The following TLE2 variants were observed in gnomAD, a reference collection of about 807,000 sequenced individuals.
The protein encoded by TLE2 is transducin-like enhancer protein 2.
A neutral mutation model predicts 97.2 loss-of-function variants in TLE2; 74 were observed. The observed-to-expected ratio is 0.76, with a 90% confidence interval of 0.63 to 0.92. The LOEUF (loss-of-function observed/expected upper bound fraction) is 0.92, where lower values mean the gene tolerates loss of function less well. TLE2 is among the 40% of genes least tolerant of loss of function. TLE2 has a pLI of 0.00. For missense variants in TLE2, 1,038 were observed against 1,008.7 expected, an observed-to-expected ratio of 1.03 and a Z score of -0.39; for synonymous variants, 499 against 432.1, an observed-to-expected ratio of 1.15 and a Z score of -1.92.
chr19:3,006,798 T>C, intron 14 of TLE2, 129 bp from the exon 15 acceptor site: 2 of 1,359,730 alleles, frequency 1.5e-6, no homozygotes, highest in Non-Finnish European at 2.0e-6. Context: ...TGTTTTGTTT[T>C]TTGAGAGGGA....
In TLE2 at chr19:3,006,484, C is replaced by CAGCCCA; in HGVS notation, c.1435_1436insTGGGCT (p.Gly478_Cys479insLeuGly). Reference sequence around the variant, plus strand: ...CTGGCCCACGTCCCACACCTTCACACAGCCCTTGCCGCCCGTGTACACATG... The same window carrying CAGCCCA: ...CTGGCCCACGTCCCACACCTTCACACAGCCCAAGCCCTTGCCGCCCGTGTACACATG... On this transcript the variant is annotated inframe_insertion, in exon 15 of 20. Coordinates refer to ENST00000262953, the MANE Select transcript of TLE2 (RefSeq NM_003260.5). The CAGCCCA allele has an allele frequency of 6.2e-7, 1 of 1,610,798 alleles. No individual in the cohort carries two copies. Among genetic ancestry groups the CAGCCCA allele is most frequent in the Non-Finnish European group, 8.5e-7 (1 of 1,179,394 alleles).
intron 5 of TLE2, among the ~76,000 whole-genome samples, chr19:3,022,713 G>A (rs1335433163): frequency 6.6e-6 from 1 of 152,108 alleles, no homozygotes; most frequent in Non-Finnish European, 1.5e-5. Context: ...AGACATCTGG[G>A]CTGTCTCCAC....
intron 1 of TLE2, among the ~76,000 whole-genome samples, chr19:3,037,195 G>T (rs112345934): frequency 3.3e-5 from 5 of 152,212 alleles, no homozygotes; most frequent in African/African-American, 9.6e-5. Flanking sequence ...TGAGGCAGGA[G>T]AATTGCTTGA....
upstream of TLE2, among the ~76,000 whole-genome samples, chr19:3,033,961 C>T (rs2090044954): frequency 6.6e-6 from 1 of 152,088 alleles, no homozygotes; most frequent in South Asian, 2.1e-4. Flanking sequence ...CACCGCCTCT[C>T]CCTCCAGGCT....
chr19:3,024,737 T>G (rs2089910357), intron 5 of TLE2, among the ~76,000 whole-genome samples: 1 of 152,178 alleles, frequency 6.6e-6, no homozygotes, highest in East Asian at 1.9e-4. Context: ...GGCAGCCAAC[T>G]TGCAGGGCTT....
At chr19:3,003,444 C>T (rs372076664) in intron 17 of TLE2, among the ~76,000 whole-genome samples, 2 of 152,094 alleles carry the variant, frequency 1.3e-5, no homozygotes, top group Non-Finnish European at 2.9e-5. Context: ...TCATGACCAG[C>T]CTGGCCAACA....
Position 3,006,604 on chromosome 19 carries a change from A to T in TLE2, c.1316T>A (p.Leu439Gln). Residue 439 changes from leucine to glutamine, a missense_variant, in exon 15 of 20, where the codon CTG becomes CAG. Leu to Gln is a moderately radical substitution (Grantham distance 113, BLOSUM62 -2). Coordinates refer to ENST00000262953, the MANE Select transcript of TLE2 (RefSeq NM_003260.5). ...MQPVPFPSDA[L>Q]VGAGIPRHAR... ...GTGCCGCGGGATGCCCGCGCCTACC[A>T]GTGCATCCGAGGGGAAGGGAACCGG... 10 of 1,610,210 alleles carry T rather than the reference A, an allele frequency of 6.2e-6. No individual in the cohort carries two copies. The highest frequency in any genetic ancestry group is 8.5e-6 in the Non-Finnish European group (10 of 1,178,520).
At chr19:3,036,156 G>T (rs749545576) in intron 1 of TLE2, among the ~76,000 whole-genome samples, 1 of 152,220 alleles carries the variant, frequency 6.6e-6, no homozygotes, top group East Asian at 1.9e-4. Flanking sequence ...AGGTGGGGGG[G>T]ATGGGCCTAT....
At chr19:3,043,352 C>A (rs1439287259) in intron 1 of TLE2, among the ~76,000 whole-genome samples, 2 of 150,820 alleles carry the variant, frequency 1.3e-5, no homozygotes, top group African/African-American at 4.9e-5. Flanking sequence ...TGGCACCCGG[C>A]CCCTTCTGCA....
intron 19 of TLE2, 103 bp downstream of exon 19, chr19:3,000,544 C>CG (rs1320823520): frequency 3.9e-6 from 4 of 1,025,000 alleles, no homozygotes; most frequent in Admixed American, 4.3e-5. Flanking sequence ...GTTAGGGTGG[C>CG]GGGGGGACCT....
chr19:3,003,730 G>C (rs535384786), intron 17 of TLE2, among the ~76,000 whole-genome samples: 1 of 139,944 alleles, frequency 7.1e-6, no homozygotes, highest in Non-Finnish European at 1.5e-5. Flanking sequence ...AGACAGACAG[G>C]GTCTTGCTCT....
In TLE2 at chr19:3,006,584, G is replaced by T. The variant is rs369405404; in HGVS notation, c.1336C>A (p.Arg446=). The T allele has an allele frequency of 1.1e-5, 17 of 1,606,166 alleles. No homozygotes were observed. The highest frequency in any genetic ancestry group is 1.3e-5 in the Non-Finnish European group (15 of 1,177,326). The change falls in exon 15 of 20, where the codon CGG becomes AGG. Residue 446 remains arginine, a synonymous_variant. Transcript: ENST00000262953. ...SDALVGAGIP[R]HARQLHTLAH... Reference sequence around the variant, plus strand: ...AGCGTGTGCAGCTGCCGGGCGTGCCGCGGGATGCCCGCGCCTACCAGTGCA... The same window carrying T: ...AGCGTGTGCAGCTGCCGGGCGTGCCTCGGGATGCCCGCGCCTACCAGTGCA...
At chr19:3,027,748 C>T (rs1206519940) in intron 4 of TLE2, 81 bp downstream of exon 4, 6 of 1,448,530 alleles carry the variant, frequency 4.1e-6, no homozygotes, top group East Asian at 4.8e-5. Flanking sequence ...GCTCTGGCCC[C>T]GGCTGCCCAC....
At position 3,006,181 on chromosome 19, in the gene TLE2, C is replaced by T. The variant is rs1429359999; in HGVS notation, c.1501-213G>A. On this transcript the variant is annotated intron_variant, in intron 15 of 19. Transcript: ENST00000262953. ...CCATCCTTTACCTATAAGCCCCACC[C>T]ATGGTTGGCCTGCAAACCCTGTCCT... 5.7e-5 allele frequency: 54 copies of T among 948,438 alleles called. No individual in the cohort carries two copies. In the Admixed American group the frequency reaches 9.0e-4, roughly 16 times the overall value. The allele number at this position is 948,438 out of a possible 1,614,324, so 58.8% of individuals were successfully genotyped here.
chr19:3,023,753 G>A (rs1975186), intron 5 of TLE2, among the ~76,000 whole-genome samples: 46,977 of 151,004 alleles, frequency 0.31, 7,832 homozygotes, highest in African/African-American at 0.41. Flanking sequence ...TTAGCCGGGC[G>A]TGGTGGTGCA....
rs551611443 is a variant in TLE2, at chr19:3,019,723, C to A, written c.345G>T (p.Val115=). ...CCCCGATGAGGCTGTTCAGCTCCCCCACGGTGACCTGCTTGGCGCGTTCTA... is the reference window on the plus strand; with the variant it reads ...CCCCGATGAGGCTGTTCAGCTCCCCAACGGTGACCTGCTTGGCGCGTTCTA... ...QAVERAKQVT[V]GELNSLIGQQ... Residue 115 remains valine, a synonymous_variant, in exon 6 of 20, where the codon GTG becomes GTT. Transcript: ENST00000262953. This position sits in a 1 kb window ranked among gnomAD's most constrained non-coding sequence, Gnocchi z 5.1. The A allele has an allele frequency of 1.4e-5, 22 of 1,612,478 alleles. No homozygotes were observed. The highest frequency in any genetic ancestry group is 7.7e-5 in the South Asian group (7 of 90,718).
chr19:3,040,540 T>C (rs1468316595), intron 1 of TLE2, among the ~76,000 whole-genome samples: 1 of 152,076 alleles, frequency 6.6e-6, no homozygotes, highest in Non-Finnish European at 1.5e-5. Context: ...GGTTTCACCA[T>C]GTTACCCAGG....
chr19:3,028,672 G>A, intron 2 of TLE2, 34 bp downstream of exon 2: 1 of 1,609,562 alleles, frequency 6.2e-7, no homozygotes, highest in Non-Finnish European at 8.5e-7. Context: ...GCGCCCAGGT[G>A]AACTCCCGCG....
rs1250595943 is a variant in TLE2, at chr19:3,028,369, A to G, written c.136T>C (p.Cys46Arg). The change falls in exon 3 of 20, where the codon TGT (cysteine) becomes CGT (arginine). Residue 46 changes from cysteine (C) to arginine (R), a missense_variant. Transcript: ENST00000262953. ...GTCTTCTCGCTGGCCAGCTTCTCAC[A>G]TTCTAGCTTGAGGCTGAGAAGAAGA... The part of the protein sequence containing the change: ...QAQYHSLKLE[C>R]EKLASEKTEM... 3.4e-5 allele frequency: 54 copies of G among 1,607,874 alleles called. No homozygotes were observed. The highest frequency in any genetic ancestry group is 4.5e-5 in the Non-Finnish European group (53 of 1,176,948).
Sources: allele counts gnomAD v4.1 joint callset (sites outside exome capture counted in the v4.1 genomes callset), GRCh38; gene constraint gnomAD v4.1.1; non-coding constraint Gnocchi (gnomAD v3.1); transcripts MANE v1.5; gene names NCBI Gene and HGNC (gene_info 2026-07-23, HGNC 2026-07-21).